TTC23L: variants seen among roughly 807,000 people sequenced by gnomAD.
The protein encoded by TTC23L is tetratricopeptide repeat protein 23-like.
TTC23L carries 42 observed loss-of-function variants against 48.1 expected under a neutral mutation model. The ratio of observed to expected loss-of-function variants is 0.87; its 90% CI spans 0.68 to 1.13. TTC23L has a LOEUF of 1.13. Ranked by LOEUF, TTC23L falls within the 50% of genes most tolerant of loss-of-function variation. The pLI is 0.00. For synonymous variants in TTC23L, 159 were observed against 157.2 expected (o/e 1.01, Z -0.09); for missense variants, 391 against 421.0 (o/e 0.93, Z 0.62).
At chr5:34,868,504 AT>A (rs1383855053) in intron 7 of TTC23L, 3 of 164,636 alleles carry the variant, frequency 1.8e-5, no homozygotes, top group Admixed American at 1.7e-4. Flanking sequence ...TTTATTTAAT[AT>A]TTACAACAAC....
chr5:34,840,908 G>A (rs929334334), intron 2 of TTC23L, among the ~76,000 whole-genome samples, 169 bp downstream of exon 2: 3 of 151,958 alleles, frequency 2.0e-5, no homozygotes, highest in African/African-American at 4.8e-5. Flanking sequence ...TTAGCTGCGC[G>A]GTAGTGGCAC....
chr5:34,866,664 C>G (rs1404756830), intron 6 of TTC23L, among the ~76,000 whole-genome samples: 1 of 152,056 alleles, frequency 6.6e-6, no homozygotes, highest in Non-Finnish European at 1.5e-5. Flanking sequence ...AAAAATTAGA[C>G]AACAGCACGA....
the TTC23L span, chr5:34,918,530 A>G: frequency 1.0e-6 from 1 of 986,138 alleles, no homozygotes; most frequent in Non-Finnish European, 1.5e-6. Context: ...ACCTATTTTT[A>G]TGTTTTCACT....
intron 4 of TTC23L, chr5:34,860,726 T>G (rs574438332): frequency 6.6e-6 from 1 of 152,308 alleles, no homozygotes; most frequent in South Asian, 2.1e-4. Flanking sequence ...ATCACTTTTA[T>G]TTATTTTTAT....
At chr5:34,856,711 G>A (rs1011435579) in intron 4 of TTC23L, among the ~76,000 whole-genome samples, 1 of 152,232 alleles carries the variant, frequency 6.6e-6, no homozygotes, top group African/African-American at 2.4e-5. Context: ...AGTTAGCAAA[G>A]AATCAATTAC....
At chr5:34,923,405 G>C in the TTC23L span, 1 of 600,694 alleles carries the variant, frequency 1.7e-6, no homozygotes, top group African/African-American at 1.9e-5. Flanking sequence ...AGTCTCCTGA[G>C]TAGCTGGGAT....
chr5:34,892,317 G>A (rs1762922939), intron 9 of TTC23L, among the ~76,000 whole-genome samples: 2 of 152,138 alleles, frequency 1.3e-5, no homozygotes, highest in African/African-American at 2.4e-5. Flanking sequence ...AGTAGAAATG[G>A]CTCCTTGAAA....
intron 9 of TTC23L, among the ~76,000 whole-genome samples, chr5:34,887,593 T>C (rs1474927319): frequency 6.6e-6 from 1 of 152,168 alleles, no homozygotes; most frequent in African/African-American, 2.4e-5. Flanking sequence ...GTTTTAAGAA[T>C]TGTGTACAGA....
At chr5:34,870,182 A>C (rs1761357624) in intron 8 of TTC23L, among the ~76,000 whole-genome samples, 1 of 152,000 alleles carries the variant, frequency 6.6e-6, no homozygotes, top group Non-Finnish European at 1.5e-5. Flanking sequence ...CATTCACTAA[A>C]TTCCAGGTGG....
chr5:34,922,400 CTT>C, the TTC23L span: 14 of 904,234 alleles, frequency 1.5e-5, no homozygotes, highest in Middle Eastern at 2.5e-4. Flanking sequence ...ATGAAGCAAA[CTT>C]TTGATTTCAC....
chr5:34,919,374 TTTTG>T, the TTC23L span, among the ~76,000 whole-genome samples: 9 of 151,922 alleles, frequency 5.9e-5, 1 homozygote, highest in Admixed American at 2.0e-4. Context: ...TTTGGGGTTT[TTTTG>T]TTTTTTGTTT....
At chr5:34,922,876 A>G in the TTC23L span, 6 of 1,250,444 alleles carry the variant, frequency 4.8e-6, no homozygotes, top group East Asian at 1.4e-4. Flanking sequence ...CCTTGGTTTT[A>G]TGGATTATCA....
intron 9 of TTC23L, among the ~76,000 whole-genome samples, chr5:34,889,078 T>G (rs1762701420): frequency 6.6e-6 from 1 of 152,192 alleles, no homozygotes; most frequent in Non-Finnish European, 1.5e-5. Context: ...TCAATGACGC[T>G]TATCATTGAC....
At chr5:34,914,853 G>A in the TTC23L span, 1 of 1,614,032 alleles carries the variant, frequency 6.2e-7, no homozygotes, top group Non-Finnish European at 8.5e-7. Context: ...AGGCTGTACT[G>A]ATCATCCTCG....
At chr5:34,908,989 G>A in the TTC23L span, 3 of 1,506,692 alleles carry the variant, frequency 2.0e-6, no homozygotes, top group South Asian at 3.6e-5. Context: ...TCAACACAGT[G>A]AACACTGCTC....
At chr5:34,891,684 CATG>C (rs748320303) in intron 9 of TTC23L, among the ~76,000 whole-genome samples, 1 of 152,154 alleles carries the variant, frequency 6.6e-6, no homozygotes, top group East Asian at 1.9e-4. Flanking sequence ...AGAAAAAATG[CATG>C]ATGTTTCCTC....
intron 4 of TTC23L, among the ~76,000 whole-genome samples, chr5:34,854,279 CAGATGA>C (rs1396839935): frequency 6.6e-6 from 1 of 152,114 alleles, no homozygotes; most frequent in Non-Finnish European, 1.5e-5. Flanking sequence ...GCTTGCTGGT[CAGATGA>C]AGTGTCCACA....
chr5:34,871,528 C>T (rs935937401), intron 8 of TTC23L, among the ~76,000 whole-genome samples: 2 of 152,094 alleles, frequency 1.3e-5, no homozygotes, highest in African/African-American at 4.8e-5. Flanking sequence ...CCAACAGAAG[C>T]ATTTGTAAAT....
downstream of TTC23L, chr5:34,902,486 C>A: frequency 3.7e-6 from 1 of 267,240 alleles, no homozygotes; most frequent in South Asian, 3.7e-5. Flanking sequence ...TCACTATCAA[C>A]ATCTATATCA....
Sources: allele counts gnomAD v4.1 joint callset (sites outside exome capture counted in the v4.1 genomes callset), GRCh38; gene constraint gnomAD v4.1.1; transcripts MANE v1.5; gene names NCBI Gene and HGNC (gene_info 2026-07-23, HGNC 2026-07-21).